TCF7L1: variants seen among roughly 807,000 people sequenced by gnomAD.
TCF7L1 encodes the protein transcription factor 7 like 1.
TCF7L1 carries 18 observed loss-of-function variants against 63.7 expected under a neutral mutation model. The ratio of observed to expected loss-of-function variants is 0.28; its 90% CI spans 0.20 to 0.42. TCF7L1 has a LOEUF of 0.42. Ranked by LOEUF, TCF7L1 falls within the 10% of genes least tolerant of loss-of-function variation. TCF7L1 has a pLI of 1.00. For missense variants in TCF7L1, 654 were observed against 779.3 expected, an observed-to-expected ratio of 0.84 and a Z score of 1.91; for synonymous variants, 355 against 340.9, an observed-to-expected ratio of 1.04 and a Z score of -0.46.
In TCF7L1 at chr2:85,304,342, A is replaced by G. The variant is rs1450686446; in HGVS notation, c.845+4A>G. On this transcript the variant is annotated splice_donor_region_variant and intron_variant, in intron 7 of 11. Coordinates refer to ENST00000282111, the MANE Select transcript of TCF7L1 (RefSeq NM_031283.3). ...CCATGAACGCCTCGATGTCCAGGTG[A>G]GTCCCGGGGCTGGGGCTGTCCGCAT... The G allele has an allele frequency of 6.2e-7, 1 of 1,613,680 alleles. No homozygotes were observed. The highest frequency in any genetic ancestry group is 8.5e-7 in the Non-Finnish European group (1 of 1,179,828).
At position 85,210,261 on chromosome 2, in the gene TCF7L1, C is replaced by T. The variant is rs371635754; in HGVS notation, c.442-73234C>T. ...CTGGCCCCTTCCCCACACACATGGG[C>T]ATCCCCATCTTCATTCTACCTTCTG... On this transcript the variant is annotated intron_variant, in intron 3 of 11. Transcript: ENST00000282111. 4.7e-4 allele frequency among the ~76,000 whole-genome samples: 72 copies of T among 152,350 alleles called. 1 individual carries two copies. The highest frequency in any genetic ancestry group is 1.7e-3 in the African/African-American group (70 of 41,580).
intron 3 of TCF7L1, among the ~76,000 whole-genome samples, chr2:85,247,491 C>G (rs1218148192): frequency 1.3e-5 from 2 of 152,166 alleles, no homozygotes; most frequent in East Asian, 3.9e-4. Flanking sequence ...GTTTTGAGAA[C>G]CTTTGCATCA....
intron 4 of TCF7L1, among the ~76,000 whole-genome samples, chr2:85,291,151 C>T (rs6706073): frequency 0.01 from 1,539 of 152,324 alleles, 22 homozygotes; most frequent in African/African-American, 0.034. Flanking sequence ...ATTATCTGAT[C>T]GTCCAGCCAC....
chr2:85,231,609 C>G (rs1680082757), intron 3 of TCF7L1, among the ~76,000 whole-genome samples: 1 of 152,182 alleles, frequency 6.6e-6, no homozygotes, highest in African/African-American at 2.4e-5. Flanking sequence ...GATCAGGACA[C>G]CAGTCCCTGG....
chr2:85,213,994 C>T (rs1285891568), intron 3 of TCF7L1, among the ~76,000 whole-genome samples: 1 of 152,234 alleles, frequency 6.6e-6, no homozygotes, highest in Non-Finnish European at 1.5e-5. Context: ...GCTCCTGCTG[C>T]CATTCTCACC....
At chr2:85,239,900 C>T (rs1216686963) in intron 3 of TCF7L1, among the ~76,000 whole-genome samples, 3 of 143,044 alleles carry the variant, frequency 2.1e-5, no homozygotes, top group Non-Finnish European at 4.5e-5. Context: ...GAGCCAAGAT[C>T]GCGCCACTGC....
intron 4 of TCF7L1, among the ~76,000 whole-genome samples, chr2:85,288,643 G>A (rs895385688): frequency 2.0e-5 from 3 of 152,224 alleles, no homozygotes; most frequent in Non-Finnish European, 2.9e-5. Flanking sequence ...TAACAAGGAA[G>A]TATGTCTAAG....
intron 3 of TCF7L1, among the ~76,000 whole-genome samples, chr2:85,282,333 A>G (rs1681437825): frequency 6.6e-6 from 1 of 152,208 alleles, no homozygotes; most frequent in Admixed American, 6.5e-5. Context: ...ACTTTCCGTT[A>G]CAGCTTTCAT....
At chr2:85,212,596 A>G (rs1200941804) in intron 3 of TCF7L1, among the ~76,000 whole-genome samples, 3 of 152,186 alleles carry the variant, frequency 2.0e-5, no homozygotes, top group Admixed American at 2.0e-4. Flanking sequence ...GGGAAGAGCC[A>G]TGCTAGGCAG....
intron 4 of TCF7L1, among the ~76,000 whole-genome samples, chr2:85,301,146 T>C (rs55943620): frequency 0.069 from 10,561 of 152,308 alleles, 480 homozygotes; most frequent in African/African-American, 0.12. Flanking sequence ...TCAAAAAACA[T>C]AATTTCTGTC....
At chr2:85,166,752 G>A (rs1678427699) in intron 3 of TCF7L1, among the ~76,000 whole-genome samples, 1 of 152,330 alleles carries the variant, frequency 6.6e-6, no homozygotes, top group South Asian at 2.1e-4. Context: ...TCCCAAAGCT[G>A]GTCATGGGTT....
At chr2:85,215,304 A>G (rs540972286) in intron 3 of TCF7L1, among the ~76,000 whole-genome samples, 26 of 152,228 alleles carry the variant, frequency 1.7e-4, no homozygotes, top group Non-Finnish European at 3.1e-4. Context: ...AATAAATGCT[A>G]AAGATGCTGA....
intron 3 of TCF7L1, among the ~76,000 whole-genome samples, chr2:85,173,957 G>A (rs1000272458): frequency 2.0e-5 from 3 of 151,966 alleles, no homozygotes; most frequent in Non-Finnish European, 4.4e-5. Context: ...GGCTGGTCTC[G>A]AACTCCTGAC....
chr2:85,134,177 C>A lies in TCF7L1; in HGVS notation c.313+98C>A. The A allele has an allele frequency of 6.6e-7, 1 of 1,525,734 alleles. No individual in the cohort carries two copies. Among genetic ancestry groups the A allele is most frequent in the Non-Finnish European group, 8.8e-7 (1 of 1,132,736 alleles). 94.5% of individuals were successfully genotyped at this position (1,525,734 alleles called of 1,614,324 possible). On this transcript the variant is annotated intron_variant, in intron 2 of 11. Transcript: ENST00000282111. This position sits in a 1 kb window ranked among gnomAD's most constrained non-coding sequence, Gnocchi z 5.0. ...CGTCCCCCTTGCTTGGGTGGACGCA[C>A]CCTTGCCCTCCGCCTTTATTGGCGG... is the stretch of plus-strand genomic sequence containing the variant.
At chr2:85,234,131 CTTT>C (rs35508338) in intron 3 of TCF7L1, among the ~76,000 whole-genome samples, 2,125 of 64,978 alleles carry the variant, frequency 0.033, 17 homozygotes, top group Non-Finnish European at 0.046. Flanking sequence ...TTTTTCTTTT[CTTT>C]TTTTTTTTTT....
At chr2:85,175,329 C>T (rs937453689) in intron 3 of TCF7L1, among the ~76,000 whole-genome samples, 2 of 152,180 alleles carry the variant, frequency 1.3e-5, no homozygotes, top group African/African-American at 4.8e-5. Context: ...AAAAATTACC[C>T]GAATTTTGAT....
intron 3 of TCF7L1, among the ~76,000 whole-genome samples, chr2:85,261,056 C>T (rs1298708338): frequency 6.6e-6 from 1 of 151,742 alleles, no homozygotes; most frequent in African/African-American, 2.4e-5. Context: ...GGTTTGCAGT[C>T]ACCTGTGTAG....
intron 3 of TCF7L1, among the ~76,000 whole-genome samples, chr2:85,224,465 T>A (rs1679913565): frequency 6.6e-6 from 1 of 152,238 alleles, no homozygotes; most frequent in African/African-American, 2.4e-5. Context: ...TTCCTGACTT[T>A]AATGATCGCC....
intron 3 of TCF7L1, among the ~76,000 whole-genome samples, chr2:85,156,026 G>GT (rs1440658363): frequency 6.6e-6 from 1 of 152,134 alleles, no homozygotes; most frequent in African/African-American, 2.4e-5. Context: ...TCATAATGAG[G>GT]TAAAAAAAGG....
Sources: allele counts gnomAD v4.1 joint callset (sites outside exome capture counted in the v4.1 genomes callset), GRCh38; gene constraint gnomAD v4.1.1; non-coding constraint Gnocchi (gnomAD v3.1); transcripts MANE v1.5; gene names NCBI Gene and HGNC (gene_info 2026-07-23, HGNC 2026-07-21).